Variants in FBXL2 observed in about 807,000 individuals in gnomAD.
FBXL2 encodes the protein F-box/LRR-repeat protein 2.
Under a neutral mutation model 69.2 loss-of-function variants are expected in FBXL2, and 38 were observed. The observed-to-expected ratio is 0.55, with a 90% CI of 0.42 to 0.72. The LOEUF (loss-of-function observed/expected upper bound fraction) is 0.72. Ranked by LOEUF, FBXL2 falls within the 30% of genes least tolerant of loss-of-function variation. The probability of loss-of-function intolerance (pLI) is 0.00; values close to 1 mark genes in which losing one functional copy is unlikely to be tolerated. For missense variants in FBXL2, 354 were observed against 520.3 expected, an observed-to-expected ratio of 0.68 and a Z score of 3.11; for synonymous variants, 192 against 201.3, an observed-to-expected ratio of 0.95 and a Z score of 0.39.
downstream of FBXL2, among the ~76,000 whole-genome samples, chr3:33,407,445 C>G (rs919071200): frequency 6.6e-6 from 1 of 151,474 alleles, no homozygotes; most frequent in African/African-American, 2.4e-5. Context: ...ATTGGTGGGT[C>G]TTCAGCTGAG....
At chr3:33,379,038 C>G (rs1398638414) in intron 13 of FBXL2, among the ~76,000 whole-genome samples, 2 of 150,816 alleles carry the variant, frequency 1.3e-5, no homozygotes, top group African/African-American at 4.9e-5. Context: ...AACAGGGTCT[C>G]ACTCTATCGC....
intron 13 of FBXL2, among the ~76,000 whole-genome samples, chr3:33,382,075 G>C (rs945396029): frequency 2.0e-5 from 3 of 152,144 alleles, no homozygotes; most frequent in Admixed American, 2.0e-4. Context: ...CAATGTCTTA[G>C]ATTTTTTTAT....
At chr3:33,349,675 A>T (rs1484248718) in intron 2 of FBXL2, among the ~76,000 whole-genome samples, 1 of 152,118 alleles carries the variant, frequency 6.6e-6, no homozygotes, top group Non-Finnish European at 1.5e-5. Context: ...TGGGATTGGT[A>T]TTAATTTTTC....
intron 2 of FBXL2, chr3:33,317,718 A>C: frequency 6.5e-6 from 2 of 306,794 alleles, no homozygotes; most frequent in East Asian, 1.7e-4. Context: ...GAAAGGTCTT[A>C]CTTGCTCATT....
chr3:33,302,427 C>T (rs751520706), intron 2 of FBXL2, among the ~76,000 whole-genome samples: 3 of 152,122 alleles, frequency 2.0e-5, no homozygotes, highest in Non-Finnish European at 4.4e-5. Flanking sequence ...AAAATGTCTT[C>T]TGTGAATTGA....
At chr3:33,277,709 C>T (rs2033448057) in intron 1 of FBXL2, among the ~76,000 whole-genome samples, 194 bp downstream of exon 1, 1 of 152,030 alleles carries the variant, frequency 6.6e-6, no homozygotes, top group African/African-American at 2.4e-5. Flanking sequence ...TCAGAGCGCC[C>T]GCCTGCCGGG....
intron 13 of FBXL2, among the ~76,000 whole-genome samples, chr3:33,380,857 T>A (rs1164128895): frequency 6.6e-6 from 1 of 152,042 alleles, no homozygotes; most frequent in Non-Finnish European, 1.5e-5. Flanking sequence ...CAGGGATGAG[T>A]GACAGTGCAT....
chr3:33,315,377 C>T lies in FBXL2; in HGVS notation c.65+17652C>T, dbSNP rs148098317. Among the ~76,000 whole-genome samples the T allele has an allele frequency of 6.0e-5, 9 of 148,922 alleles. 1 individual carries two copies. The highest frequency in any genetic ancestry group is 2.0e-4 in the African/African-American group (8 of 40,534). ...GAAGACTCTAAATATGATATGGTGT[C>T]ACTTTCTTGATTAGTGCTAAGGTAG... On this transcript the variant is annotated intron_variant, in intron 2 of 14. Transcript: ENST00000484457.
At chr3:33,392,289 G>A (rs1417187877), downstream of FBXL2, 2 of 340,546 alleles carry the variant, frequency 5.9e-6, no homozygotes, top group East Asian at 5.1e-5. Context: ...TAGATCCACT[G>A]AGCGACAGAA....
chr3:33,416,920 A>G, the FBXL2 span: 1 of 1,103,596 alleles, frequency 9.1e-7, no homozygotes, highest in Non-Finnish European at 1.4e-6. Flanking sequence ...GTTTCTCAGA[A>G]CATACATTAC....
At chr3:33,340,576 TA>T (rs111348589) in intron 2 of FBXL2, among the ~76,000 whole-genome samples, 23,528 of 110,086 alleles carry the variant, frequency 0.21, 2,634 homozygotes, top group East Asian at 0.52. Context: ...TTATTTTGAT[TA>T]AAAAAAAAAA....
At chr3:33,297,254 T>C (rs1054877195) in intron 1 of FBXL2, among the ~76,000 whole-genome samples, 4 of 152,184 alleles carry the variant, frequency 2.6e-5, no homozygotes, top group African/African-American at 9.6e-5. Context: ...TGTATATTTA[T>C]GTGTTGTATC....
intron 1 of FBXL2, among the ~76,000 whole-genome samples, chr3:33,285,358 G>C (rs868361015): frequency 7.2e-5 from 11 of 152,164 alleles, no homozygotes; most frequent in Non-Finnish European, 1.6e-4. Flanking sequence ...TAAAAATGTT[G>C]AATATTGGCC....
chr3:33,284,930 A>T (rs1009477507), intron 1 of FBXL2, among the ~76,000 whole-genome samples: 1 of 152,052 alleles, frequency 6.6e-6, no homozygotes, highest in Non-Finnish European at 1.5e-5. Flanking sequence ...TTTTGAGCCT[A>T]TGTGTGTCTC....
chr3:33,357,877 A>G (rs1049377155), intron 2 of FBXL2, among the ~76,000 whole-genome samples: 11 of 152,078 alleles, frequency 7.2e-5, no homozygotes, highest in Non-Finnish European at 1.3e-4. Flanking sequence ...TTATGCTTCT[A>G]TCCTTTGCTT....
At chr3:33,349,075 C>G (rs1407868562) in intron 2 of FBXL2, among the ~76,000 whole-genome samples, 1 of 152,138 alleles carries the variant, frequency 6.6e-6, no homozygotes, top group Non-Finnish European at 1.5e-5. Flanking sequence ...GATAATGTGA[C>G]TTCTTCCTTT....
At chr3:33,291,847 G>A (rs1297874964) in intron 1 of FBXL2, among the ~76,000 whole-genome samples, 2 of 152,208 alleles carry the variant, frequency 1.3e-5, no homozygotes, top group Admixed American at 6.5e-5. Context: ...TACATTAAAT[G>A]TAAAGACCAT....
At chr3:33,392,799 C>T, downstream of FBXL2, 1 of 563,412 alleles carries the variant, frequency 1.8e-6, no homozygotes, top group African/African-American at 1.9e-5. Flanking sequence ...TTCACTATGC[C>T]TGTCCATAAT....
chr3:33,351,780 C>T (rs748116497), intron 2 of FBXL2, among the ~76,000 whole-genome samples: 23 of 151,882 alleles, frequency 1.5e-4, no homozygotes, highest in South Asian at 2.1e-4. Flanking sequence ...TTTAGTCAAG[C>T]GGTCGTATAT....
Sources: allele counts gnomAD v4.1 joint callset (sites outside exome capture counted in the v4.1 genomes callset), GRCh38; gene constraint gnomAD v4.1.1; transcripts MANE v1.5; gene names NCBI Gene and HGNC (gene_info 2026-07-23, HGNC 2026-07-21).